The following NSUN6 variants were observed in gnomAD, a reference collection of about 807,000 sequenced individuals.
NSUN6 encodes the protein tRNA (cytosine(72)-C(5))-methyltransferase NSUN6.
NSUN6 carries 64 observed loss-of-function variants against 58.0 expected under a neutral mutation model. The observed-to-expected ratio is 1.10, with a 90% confidence interval of 0.90 to 1.36. NSUN6 has a LOEUF of 1.36. Among genes scored for constraint, NSUN6 ranks in the 40% most tolerant of loss-of-function variants. The pLI is 0.00. For synonymous variants in NSUN6, 231 were observed against 193.9 expected (o/e 1.19, Z -1.59); for missense variants, 701 against 550.1 (o/e 1.27, Z -2.74).
chr10:18,652,859 C>T, upstream of NSUN6: 6 of 975,244 alleles, frequency 6.2e-6, no homozygotes, highest in Non-Finnish European at 7.3e-6. Context: ...ACGCCCAGCC[C>T]ATTTTCTCTG....
At chr10:18,604,264 G>C (rs139216205) in intron 6 of NSUN6, among the ~76,000 whole-genome samples, 40 of 152,230 alleles carry the variant, frequency 2.6e-4, no homozygotes, top group African/African-American at 9.1e-4. Flanking sequence ...TGATCACAAA[G>C]TTATTCTACC....
intron 8 of NSUN6, among the ~76,000 whole-genome samples, chr10:18,583,910 T>C (rs2057013215): frequency 6.6e-6 from 1 of 152,188 alleles, no homozygotes; most frequent in Admixed American, 6.5e-5. Context: ...CTTTCCCTAT[T>C]CCCCGTTTGT....
chr10:18,575,121 G>A (rs1467019964), intron 8 of NSUN6, among the ~76,000 whole-genome samples: 4 of 152,122 alleles, frequency 2.6e-5, no homozygotes, highest in African/African-American at 7.2e-5. Context: ...CCCCTTATGA[G>A]GGACGTCTTA....
intron 5 of NSUN6, among the ~76,000 whole-genome samples, chr10:18,613,285 T>C (rs1164596381): frequency 2.0e-5 from 3 of 152,034 alleles, no homozygotes; most frequent in African/African-American, 7.2e-5. Context: ...TTAGTATAGA[T>C]GGGCTTTCAC....
intron 3 of NSUN6, among the ~76,000 whole-genome samples, chr10:18,634,329 C>A (rs1243028577): frequency 6.6e-6 from 1 of 152,146 alleles, no homozygotes; most frequent in Non-Finnish European, 1.5e-5. Context: ...AGTAATACAT[C>A]CCTATGACTA....
intron 3 of NSUN6, among the ~76,000 whole-genome samples, chr10:18,628,688 G>A (rs4575162): frequency 0.21 from 31,926 of 152,006 alleles, 3,667 homozygotes; most frequent in South Asian, 0.31. Context: ...AATGAAGCAA[G>A]AAGGGAAGTT....
At chr10:18,562,970 G>T (rs554701692) in intron 8 of NSUN6, among the ~76,000 whole-genome samples, 1 of 151,096 alleles carries the variant, frequency 6.6e-6, no homozygotes, top group East Asian at 2.0e-4. Context: ...AGTGAAAAAT[G>T]GAAAGGAATG....
In NSUN6 at chr10:18,586,020, A is replaced by T. The variant is rs771351816; in HGVS notation, c.851T>A (p.Leu284Gln). 4 of 1,612,834 alleles carry T rather than the reference A, an allele frequency of 2.5e-6. No individual in the cohort carries two copies. Among genetic ancestry groups the T allele is most frequent in the Non-Finnish European group, 2.5e-6 (3 of 1,179,242 alleles). The change falls in exon 8 of 11, where the codon CTG becomes CAG. Residue 284 changes from leucine (L) to glutamine (Q), a missense_variant. By Grantham distance (113) the Leu-to-Gln change is moderately radical (BLOSUM62 -2). Transcript: ENST00000377304. Reference sequence around the variant, plus strand: ...AAAACAAAATGCCCTGATGGAATTCAGCCCTAACAATAAGGCATTCTGTTT... The same window carrying T: ...AAAACAAAATGCCCTGATGGAATTCTGCCCTAACAATAAGGCATTCTGTTT... ...KIKQNALLLGLNSIRAFCFDG... is the reference protein window; with the variant it reads ...KIKQNALLLGQNSIRAFCFDG...
chr10:18,626,084 G>A (rs184059131), intron 3 of NSUN6, among the ~76,000 whole-genome samples: 17 of 152,172 alleles, frequency 1.1e-4, no homozygotes, highest in Middle Eastern at 3.4e-3. Context: ...AGGGGGTGCG[G>A]GAGATCTGCT....
At chr10:18,604,242 G>C (rs1394746459) in intron 6 of NSUN6, among the ~76,000 whole-genome samples, 1 of 152,174 alleles carries the variant, frequency 6.6e-6, no homozygotes, top group Non-Finnish European at 1.5e-5. Flanking sequence ...GTGAGATAGA[G>C]AAGAAACCTT....
Position 18,648,631 on chromosome 10 carries a change from T to G in NSUN6, c.90A>C (p.Leu30Phe). 1 of 1,579,448 alleles carries G rather than the reference T, an allele frequency of 6.3e-7. No homozygotes were observed. Among genetic ancestry groups the G allele is most frequent in the South Asian group, 1.1e-5 (1 of 89,008 alleles). The change falls in exon 2 of 11, where the codon TTA becomes TTC. Residue 30 changes from leucine (L) to phenylalanine (F), a missense_variant. Leu to Phe is a conservative substitution (Grantham distance 22). Coordinates refer to ENST00000377304, the MANE Select transcript of NSUN6 (RefSeq NM_182543.5). ...ACTTCCTTTCTGCTTCTTGTTTACC[T>G]AAAGCAGTCACAATCTAAAAAGAAG... is the stretch of plus-strand genomic sequence containing the variant. ...GFMNKEIVTA[L>F]GKQEAERKFE... is the part of the protein sequence containing the mutation.
At chr10:18,620,731 A>G (rs12781208) in intron 3 of NSUN6, among the ~76,000 whole-genome samples, 31,969 of 152,172 alleles carry the variant, frequency 0.21, 3,685 homozygotes, top group South Asian at 0.32. Context: ...TCTATGCTCC[A>G]ATAGCATTTA....
Position 18,629,612 on chromosome 10 carries a change from T to C in NSUN6, c.311+12864A>G, listed in dbSNP as rs373010483. On this transcript the variant is annotated intron_variant, in intron 3 of 10. Transcript: ENST00000377304. ...AGGCAGGGGTTACAATCCTAGTCTC[T>C]GATAAAACAGACTTTAAACCAACAA... Among the ~76,000 whole-genome samples the C allele has an allele frequency of 1.8e-3, 267 of 150,854 alleles. 5 individuals carry two copies. The East Asian group carries it at 0.032, about 18-fold the overall frequency.
intron 3 of NSUN6, among the ~76,000 whole-genome samples, chr10:18,634,016 G>C (rs965648732): frequency 6.6e-6 from 1 of 152,140 alleles, no homozygotes; most frequent in African/African-American, 2.4e-5. Context: ...ATGCTCTTTC[G>C]CCCATTCTGG....
chr10:18,626,646 T>C (rs1240316676), intron 3 of NSUN6, among the ~76,000 whole-genome samples: 2 of 152,170 alleles, frequency 1.3e-5, no homozygotes, highest in African/African-American at 4.8e-5. Context: ...CAGACGCCTG[T>C]AATTCCATAT....
intron 3 of NSUN6, among the ~76,000 whole-genome samples, chr10:18,626,202 G>A (rs1381999662): frequency 6.6e-6 from 1 of 151,208 alleles, no homozygotes; most frequent in Non-Finnish European, 1.5e-5. Flanking sequence ...TTATACTTGG[G>A]AAATAACAAT....
chr10:18,628,607 T>C (rs1377874870), intron 3 of NSUN6, among the ~76,000 whole-genome samples: 1 of 151,932 alleles, frequency 6.6e-6, no homozygotes, highest in Non-Finnish European at 1.5e-5. Flanking sequence ...ACGTGAAGAA[T>C]GTAGAAGCCT....
At chr10:18,594,350 T>C (rs2057498025) in intron 7 of NSUN6, among the ~76,000 whole-genome samples, 1 of 152,234 alleles carries the variant, frequency 6.6e-6, no homozygotes, top group African/African-American at 2.4e-5. Flanking sequence ...GTATGCCATA[T>C]GCAGCAATGG....
At chr10:18,616,044 A>G in intron 4 of NSUN6, 140 bp downstream of exon 4, 1 of 601,668 alleles carries the variant, frequency 1.7e-6, no homozygotes, top group South Asian at 2.1e-5. Flanking sequence ...TACTGGATAA[A>G]ACCCTAAATG....
Sources: gnomAD v4.1 joint callset for allele counts (sites outside exome capture counted in the v4.1 genomes callset) on GRCh38, gnomAD v4.1.1 for gene constraint, MANE v1.5 for transcripts, NCBI Gene and HGNC (gene_info 2026-07-23, HGNC 2026-07-21) for gene names.